DSCAM: variants seen among roughly 807,000 people sequenced by gnomAD.
The protein encoded by DSCAM is cell adhesion molecule DSCAM.
Under a neutral mutation model 217.7 loss-of-function variants are expected in DSCAM, and 47 were observed. The observed-to-expected ratio is 0.22, with a 90% CI of 0.17 to 0.28. DSCAM has a LOEUF of 0.28. Ranked by LOEUF, DSCAM falls within the 10% of genes least tolerant of loss-of-function variation. The probability of loss-of-function intolerance (pLI) is 1.00; values close to 1 mark genes in which losing one functional copy is unlikely to be tolerated. For synonymous variants in DSCAM, 1,056 were observed against 1,015.3 expected, an observed-to-expected ratio of 1.04 and a Z score of -0.76; for missense variants, 2,080 against 2,618.3, an observed-to-expected ratio of 0.79 and a Z score of 4.49.
At chr21:40,297,925 T>C (rs986637531) in intron 9 of DSCAM, among the ~76,000 whole-genome samples, 2 of 152,160 alleles carry the variant, frequency 1.3e-5, no homozygotes, top group African/African-American at 4.8e-5. Flanking sequence ...TTGGTCTCAA[T>C]TTACTTATCT....
intron 11 of DSCAM, among the ~76,000 whole-genome samples, chr21:40,250,021 C>A (rs1375524633): frequency 6.6e-6 from 1 of 152,204 alleles, no homozygotes; most frequent in African/African-American, 2.4e-5. Context: ...TGACTTTTAA[C>A]CTTGAGAACA....
chr21:40,743,807 T>C (rs2091148455), intron 1 of DSCAM, among the ~76,000 whole-genome samples: 1 of 152,186 alleles, frequency 6.6e-6, no homozygotes, highest in Admixed American at 6.5e-5. Flanking sequence ...CAAAATTTCT[T>C]ATAATCAAAT....
rs1013206352 is a variant in DSCAM at position 40,315,952 on chromosome 21, C to T, written c.1784-3593G>A. Reference sequence around the variant, plus strand: ...AAATTATAAAGAACAGACACAAAAACGCAACACACACAGTAGTTGGATGAC... The same window carrying T: ...AAATTATAAAGAACAGACACAAAAATGCAACACACACAGTAGTTGGATGAC... On this transcript the variant is annotated intron_variant, in intron 8 of 32. Transcript: ENST00000400454. 5.3e-5 allele frequency among the ~76,000 whole-genome samples: 8 copies of T among 152,110 alleles called. No homozygotes were observed. The East Asian group carries it at 1.2e-3, about 22-fold the overall frequency.
At chr21:40,408,369 C>A (rs951327291) in intron 3 of DSCAM, among the ~76,000 whole-genome samples, 14 of 152,042 alleles carry the variant, frequency 9.2e-5, no homozygotes, top group South Asian at 2.1e-4. Flanking sequence ...AATGGGAAAC[C>A]ATACATTCTG....
chr21:40,659,380 T>C lies in DSCAM; in HGVS notation c.508+33430A>G, dbSNP rs866637756. Among the ~76,000 whole-genome samples, 230 of 145,648 alleles carry C rather than the reference T, an allele frequency of 1.6e-3. 1 individual carries two copies. Among genetic ancestry groups the C allele is most frequent in the African/African-American group, 5.4e-3 (206 of 38,076 alleles). On this transcript the variant is annotated intron_variant, in intron 3 of 32. Transcript: ENST00000400454. The stretch of plus-strand genomic sequence containing the variant: ...ATCTATCTATCTATCTATCTATCTA[T>C]CTATCTATCTATCATCTCTCTCATC...
At chr21:40,272,280 A>T (rs1376038478) in intron 11 of DSCAM, among the ~76,000 whole-genome samples, 1 of 152,136 alleles carries the variant, frequency 6.6e-6, no homozygotes, top group Non-Finnish European at 1.5e-5. Context: ...GTTATCTCAC[A>T]TGATAATTAT....
chr21:40,091,624 C>T (rs1472476129), intron 21 of DSCAM, among the ~76,000 whole-genome samples: 1 of 152,102 alleles, frequency 6.6e-6, no homozygotes, highest in Non-Finnish European at 1.5e-5. Context: ...CTGTATTAGT[C>T]TGTTCTCATG....
chr21:40,741,382 A>T (rs2091122223), intron 1 of DSCAM, among the ~76,000 whole-genome samples: 2 of 152,060 alleles, frequency 1.3e-5, no homozygotes, highest in Admixed American at 1.3e-4. Flanking sequence ...ACATGCATGC[A>T]CTCTTCCAGA....
At chr21:40,212,868 G>T (rs1555890068) in intron 11 of DSCAM, among the ~76,000 whole-genome samples, 1 of 152,188 alleles carries the variant, frequency 6.6e-6, no homozygotes, top group Non-Finnish European at 1.5e-5. Context: ...GACAGAAAAG[G>T]AGAAGGCACA....
At chr21:40,778,683 T>C (rs1351175586) in intron 1 of DSCAM, among the ~76,000 whole-genome samples, 7 of 151,898 alleles carry the variant, frequency 4.6e-5, no homozygotes, top group East Asian at 1.9e-4. Flanking sequence ...GTGTGACAAA[T>C]AGAAGTCAAA....
intron 1 of DSCAM, among the ~76,000 whole-genome samples, chr21:40,792,414 G>A (rs542906771): frequency 1.4e-4 from 22 of 152,128 alleles, no homozygotes; most frequent in Admixed American, 7.8e-4. Context: ...ATGAGCCACC[G>A]TGCCCGGCCA....
intron 1 of DSCAM, among the ~76,000 whole-genome samples, chr21:40,792,221 C>T (rs2091652843): frequency 6.7e-6 from 1 of 149,900 alleles, no homozygotes; most frequent in Non-Finnish European, 1.5e-5. Flanking sequence ...TCACTGCAAC[C>T]TCAACTTCCT....
At chr21:40,769,228 C>T (rs1031210750) in intron 1 of DSCAM, among the ~76,000 whole-genome samples, 2 of 152,114 alleles carry the variant, frequency 1.3e-5, no homozygotes, top group Non-Finnish European at 2.9e-5. Context: ...ACTACTTGTT[C>T]TCTCATATTC....
chr21:40,064,280 A>G (rs931051059), intron 27 of DSCAM, among the ~76,000 whole-genome samples: 1 of 152,064 alleles, frequency 6.6e-6, no homozygotes, highest in African/African-American at 2.4e-5. Flanking sequence ...AAAAAGGGGG[A>G]AACAAATTCA....
intron 3 of DSCAM, among the ~76,000 whole-genome samples, chr21:40,442,040 T>C (rs1232379068): frequency 6.6e-6 from 1 of 152,208 alleles, no homozygotes; most frequent in Non-Finnish European, 1.5e-5. Flanking sequence ...GGGTAGAGGT[T>C]ATGAAGACAA....
In DSCAM at chr21:40,788,324, C is replaced by G. The variant is rs908533069; in HGVS notation, c.43+58295G>C. ...CAAATTCAGGCCATGGGGGTGTGACCCTGTCTATCCTTACTTGTTTTGTTT... is the reference window on the plus strand; with the variant it reads ...CAAATTCAGGCCATGGGGGTGTGACGCTGTCTATCCTTACTTGTTTTGTTT... On this transcript the variant is annotated intron_variant, in intron 1 of 32. Transcript: ENST00000400454. 2.6e-5 allele frequency among the ~76,000 whole-genome samples: 4 copies of G among 152,022 alleles called. 1 individual carries two copies. In the South Asian group the frequency reaches 8.3e-4, roughly 32 times the overall value.
Position 40,051,745 on chromosome 21 carries a change from T to C in DSCAM, c.5185+213A>G, listed in dbSNP as rs150417554. Among the ~76,000 whole-genome samples the C allele has an allele frequency of 7.2e-5, 11 of 152,316 alleles. No homozygotes were observed. In the East Asian group the frequency reaches 2.1e-3, roughly 29 times the overall value. The stretch of plus-strand genomic sequence containing the variant: ...TACCTGAAATTTCTAGCACTTTTTA[T>C]AGTAACCAATACTAACAGTAATTCA... On this transcript the variant is annotated intron_variant, in intron 30 of 32. Transcript: ENST00000400454.
chr21:40,809,139 T>A (rs1456146282), intron 1 of DSCAM, among the ~76,000 whole-genome samples: 1 of 151,814 alleles, frequency 6.6e-6, no homozygotes, highest in Admixed American at 6.6e-5. Flanking sequence ...CTCTGGCCTG[T>A]TGGGATTGAT....
intron 3 of DSCAM, among the ~76,000 whole-genome samples, chr21:40,661,707 T>C (rs1210249500): frequency 1.3e-5 from 2 of 152,152 alleles, no homozygotes; most frequent in Non-Finnish European, 2.9e-5. Context: ...TATTTCCAAA[T>C]TCTAGAAAGA....
Sources: gnomAD v4.1 joint callset for allele counts (sites outside exome capture counted in the v4.1 genomes callset) on GRCh38, gnomAD v4.1.1 for gene constraint, MANE v1.5 for transcripts, NCBI Gene and HGNC (gene_info 2026-07-23, HGNC 2026-07-21) for gene names.